Variants in IL12B observed in about 807,000 individuals in gnomAD.
IL12B encodes interleukin 12B.
Under a neutral mutation model 39.2 loss-of-function variants are expected in IL12B, and 27 were observed. The observed-to-expected ratio is 0.69, with a 90% CI of 0.51 to 0.95. The LOEUF (loss-of-function observed/expected upper bound fraction) is 0.95. Ranked by LOEUF, IL12B falls within the 40% of genes least tolerant of loss-of-function variation. The probability of loss-of-function intolerance (pLI) is 0.00; values close to 1 mark genes in which losing one functional copy is unlikely to be tolerated. For missense variants in IL12B, 351 were observed against 397.6 expected (o/e 0.88, Z 1.00); for synonymous variants, 142 against 152.1 (o/e 0.93, Z 0.49).
At chr5:159,326,455 A>G (rs1193257475) in intron 2 of IL12B, among the ~76,000 whole-genome samples, 1 of 152,218 alleles carries the variant, frequency 6.6e-6, no homozygotes, top group African/African-American at 2.4e-5. Flanking sequence ...CCACCATATC[A>G]TATATCATAT....
At chr5:159,316,263 G>T (rs1405435443) in intron 7 of IL12B, among the ~76,000 whole-genome samples, 163 bp from the exon 8 acceptor site, 2 of 152,188 alleles carry the variant, frequency 1.3e-5, no homozygotes, top group Non-Finnish European at 2.9e-5. Flanking sequence ...CACCATGCTT[G>T]CCAGAGGCTT....
chr5:159,322,167 C>T lies in IL12B; in HGVS notation c.482+227G>A, dbSNP rs575127532. 3.3e-5 allele frequency among the ~76,000 whole-genome samples: 5 copies of T among 152,284 alleles called. No homozygotes were observed. In the South Asian group the frequency reaches 1.0e-3, roughly 32 times the overall value. On this transcript the variant is annotated intron_variant, in intron 4 of 7. Coordinates refer to ENST00000231228, the MANE Select transcript of IL12B (RefSeq NM_002187.3). The stretch of plus-strand genomic sequence containing the variant: ...GGGTTCAAACACAGCAGAGACTATT[C>T]TCAGTTCCCAATAATATCCTGCCCC...
In IL12B at chr5:159,314,990, C is replaced by T. The variant is rs1753965076; in HGVS notation, c.*1111G>A. 1 of 152,328 alleles carries T rather than the reference C, an allele frequency of 6.6e-6. No homozygotes were observed. Among genetic ancestry groups the T allele is most frequent in the Non-Finnish European group, 1.5e-5 (1 of 68,040 alleles). The allele number at this position is 152,328 out of a possible 1,614,324, so 9.4% of individuals were successfully genotyped here. On this transcript the variant is annotated 3_prime_UTR_variant, in exon 8 of 8. Transcript: ENST00000231228. ...AAGGGATTCCAGATTTTCTTTGCAT[C>T]TGTCTGCTTCTCACAGGGCTGTTAA...
At chr5:159,319,044 C>T in intron 5 of IL12B, 151 bp from the exon 6 acceptor site, 3 of 729,574 alleles carry the variant, frequency 4.1e-6, no homozygotes, top group Non-Finnish European at 7.2e-6. Context: ...AAATGTGAGG[C>T]ACCTCTGCCG....
At chr5:159,318,170 G>A (rs1754019274) in intron 6 of IL12B, 1 of 156,616 alleles carries the variant, frequency 6.4e-6, no homozygotes. Flanking sequence ...CTGGAAAAAA[G>A]GAAAGCCTCT....
At chr5:159,327,050 G>T (rs961775926) in intron 1 of IL12B, among the ~76,000 whole-genome samples, 2 of 152,116 alleles carry the variant, frequency 1.3e-5, no homozygotes, top group African/African-American at 4.8e-5. Context: ...GGGCTCTGGA[G>T]CTGAAAGAGA....
In IL12B at chr5:159,320,217, A is replaced by C. The variant is rs966418478; in HGVS notation, c.697+89T>G. On this transcript the variant is annotated intron_variant, in intron 5 of 7. Transcript: ENST00000231228. ...AGAATAAAAGAGATGATGCTTGTCA[A>C]CCACCTACCCCACAGTGCATGGGGC... 6 of 1,121,904 alleles carry C rather than the reference A, an allele frequency of 5.3e-6. No individual in the cohort carries two copies. The African/African-American group carries it at 9.1e-5, about 17-fold the overall frequency. 69.5% of individuals were successfully genotyped at this position (1,121,904 alleles called of 1,614,324 possible).
intron 3 of IL12B, 39 bp from the exon 4 acceptor site, chr5:159,322,550 T>C (rs769251311): frequency 5.2e-6 from 7 of 1,353,696 alleles, no homozygotes; most frequent in African/African-American, 4.3e-5. Flanking sequence ...ATTTAGGAGT[T>C]TTTTGCAGAA....
chr5:159,322,190 C>T (rs147559048), intron 4 of IL12B, among the ~76,000 whole-genome samples: 91 of 152,186 alleles, frequency 6.0e-4, no homozygotes, highest in African/African-American at 2.2e-3. Flanking sequence ...AATATCCTGC[C>T]CCAACACATA....
rs79893414 is a variant in IL12B at position 159,326,060 on chromosome 5, T to C, written c.88+635A>G. Among the ~76,000 whole-genome samples, 1,122 of 152,352 alleles carry C rather than the reference T, an allele frequency of 7.4e-3. 21 individuals are homozygous for C. The highest frequency in any genetic ancestry group is 0.025 in the African/African-American group (1,046 of 41,578). Reference sequence around the variant, plus strand: ...ACCAAAATAGTAATACTAGCTGACATTTACTTTCACTTTACTATCTGTCGA... The same window carrying C: ...ACCAAAATAGTAATACTAGCTGACACTTACTTTCACTTTACTATCTGTCGA... On this transcript the variant is annotated intron_variant, in intron 2 of 7. Transcript: ENST00000231228.
chr5:159,320,722 C>CTAAATGAA (rs1389602713), intron 4 of IL12B, among the ~76,000 whole-genome samples: 1 of 152,200 alleles, frequency 6.6e-6, no homozygotes, highest in African/African-American at 2.4e-5. Flanking sequence ...TGTCTCTGGA[C>CTAAATGAA]TAAATGAATA....
Position 159,323,426 on chromosome 5 carries a change from A to G in IL12B, c.89-97T>C. ...TCGGGCATCCCCATTGCCTAAACAC[A>G]ACCTTGTTTACAACAAGTATTTGGC... is the stretch of plus-strand genomic sequence containing the variant. On this transcript the variant is annotated intron_variant, in intron 2 of 7. Coordinates refer to ENST00000231228, the MANE Select transcript of IL12B (RefSeq NM_002187.3). The G allele has an allele frequency of 2.7e-6, 3 of 1,129,050 alleles. No individual in the cohort carries two copies. The South Asian group carries it at 3.9e-5, about 15-fold the overall frequency. The allele number at this position is 1,129,050 out of a possible 1,614,324, so 69.9% of individuals were successfully genotyped here.
Position 159,323,280 on chromosome 5 carries a change from C to T in IL12B, c.138G>A (p.Val46=), listed in dbSNP as rs776253449. Residue 46 remains valine, a synonymous_variant, in exon 3 of 8, where the codon GTG becomes GTA. Coordinates refer to ENST00000231228, the MANE Select transcript of IL12B (RefSeq NM_002187.3). ...DWYPDAPGEM[V]VLTCDTPEED... ...CTTCAGGGGTGTCACAGGTGAGGAC[C>T]ACCATTTCTCCAGGGGCATCCGGAT... 1.3e-5 allele frequency: 21 copies of T among 1,613,940 alleles called. No homozygotes were observed. Among genetic ancestry groups the T allele is most frequent in the Non-Finnish European group, 1.8e-5 (21 of 1,179,962 alleles).
At chr5:159,322,318 C>A in intron 4 of IL12B, 76 bp downstream of exon 4, 1 of 917,542 alleles carries the variant, frequency 1.1e-6, no homozygotes, top group South Asian at 1.3e-5. Context: ...ACTGATAGGT[C>A]ACTGAGAGGT....
intron 4 of IL12B, among the ~76,000 whole-genome samples, chr5:159,321,108 C>T (rs1327048652): frequency 6.6e-6 from 1 of 151,722 alleles, no homozygotes; most frequent in Non-Finnish European, 1.5e-5. Context: ...CAAGTGATCC[C>T]CTCCCTCTGC....
intron 4 of IL12B, among the ~76,000 whole-genome samples, chr5:159,322,187 T>C (rs1207085984): frequency 6.6e-6 from 1 of 152,200 alleles, no homozygotes; most frequent in Non-Finnish European, 1.5e-5. Context: ...AATAATATCC[T>C]GCCCCAACAC....
chr5:159,322,401 T>C lies in IL12B; in HGVS notation c.475A>G (p.Ser159Gly). The C allele has an allele frequency of 1.9e-6, 3 of 1,598,670 alleles. No individual in the cohort carries two copies. Among genetic ancestry groups the C allele is most frequent in the Non-Finnish European group, 1.7e-6 (2 of 1,165,870 alleles). ...STDLTFSVKS[S>G]RGSSDPQGVT... ...CAGAGCAGTTTCACTCACCCTCTGC[T>C]GCTTTTGACACTGAATGTCAAATCA... Residue 159 changes from serine to glycine, a missense_variant, in exon 4 of 8, where the codon AGC becomes GGC. By Grantham distance (56) the Ser-to-Gly change is moderately conservative. Coordinates refer to ENST00000231228, the MANE Select transcript of IL12B (RefSeq NM_002187.3).
chr5:159,318,644 G>C (rs1462266462), intron 6 of IL12B, 92 bp downstream of exon 6: 1 of 1,145,222 alleles, frequency 8.7e-7, no homozygotes, highest in Non-Finnish European at 1.3e-6. Context: ...ATACATGGAT[G>C]TCATTGTTAT....
chr5:159,314,788 C>T lies in IL12B; in HGVS notation c.*1313G>A. ...GCTGAGAATGCCCAAAATATGATTA[C>T]AAAGAAGAGTTTTTATTAGTTCAGC... On this transcript the variant is annotated 3_prime_UTR_variant, in exon 8 of 8. Transcript: ENST00000231228. 1 of 152,174 alleles carries T rather than the reference C, an allele frequency of 6.6e-6. No individual in the cohort carries two copies. Among genetic ancestry groups the T allele is most frequent in the East Asian group, 1.9e-4 (1 of 5,318 alleles). The allele number at this position is 152,174 out of a possible 1,614,324, so 9.4% of individuals were successfully genotyped here. A position where few individuals can be genotyped will look rare whatever the true frequency, so the allele number is the denominator to read the frequency against.
Sources: allele counts gnomAD v4.1 joint callset (sites outside exome capture counted in the v4.1 genomes callset), GRCh38; gene constraint gnomAD v4.1.1; transcripts MANE v1.5; gene names NCBI Gene and HGNC (gene_info 2026-07-23, HGNC 2026-07-21).